NALCN: variants seen among roughly 807,000 people sequenced by gnomAD.
NALCN encodes the protein sodium leak channel NALCN.
A neutral mutation model predicts 225.3 loss-of-function variants in NALCN; 111 were observed. That is an observed-to-expected ratio of 0.49 (90% CI 0.42 to 0.58). The LOEUF is 0.58. Among genes scored for constraint, NALCN ranks in the 20% least tolerant of loss-of-function variants. The pLI, the probability that NALCN is intolerant of heterozygous loss-of-function variation, is 0.00. For synonymous variants in NALCN, 764 were observed against 769.0 expected (o/e 0.99, Z 0.11); for missense variants, 1,378 against 2,202.4 (o/e 0.63, Z 7.49).
At chr13:101,247,174 T>C (rs1255562499) in intron 11 of NALCN, among the ~76,000 whole-genome samples, 4 of 152,142 alleles carry the variant, frequency 2.6e-5, no homozygotes, top group African/African-American at 9.7e-5. Context: ...GGGACTAGAA[T>C]GGGTTTCTCT....
chr13:101,163,297 T>TA (rs768377868), intron 15 of NALCN, among the ~76,000 whole-genome samples: 3 of 152,168 alleles, frequency 2.0e-5, no homozygotes, highest in Non-Finnish European at 4.4e-5. Context: ...TAAAGAATGA[T>TA]ACAACCGACA....
chr13:101,080,751 TTAAA>T (rs1177375221), intron 34 of NALCN, among the ~76,000 whole-genome samples: 7 of 127,038 alleles, frequency 5.5e-5, no homozygotes, highest in South Asian at 3.0e-4. Context: ...TATTACATAA[TTAAA>T]TAATTAATTA....
Position 101,258,433 on chromosome 13 carries a change from A to C in NALCN, c.1266+10T>G. On this transcript the variant is annotated intron_variant, in intron 11 of 43. Coordinates refer to ENST00000251127, the MANE Select transcript of NALCN (RefSeq NM_052867.4). ...TTGCCCAGCGATCTGCACGGTGGAGAGCTGCTTACCTCCGCCAGGTAGAAC... is the reference window on the plus strand; with the variant it reads ...TTGCCCAGCGATCTGCACGGTGGAGCGCTGCTTACCTCCGCCAGGTAGAAC... The C allele has an allele frequency of 6.2e-7, 1 of 1,613,842 alleles. No individual in the cohort carries two copies. The highest frequency in any genetic ancestry group is 8.5e-7 in the Non-Finnish European group (1 of 1,179,946).
intron 36 of NALCN, among the ~76,000 whole-genome samples, 155 bp from the exon 37 acceptor site, chr13:101,073,832 T>C (rs1480223312): frequency 6.6e-6 from 1 of 152,198 alleles, no homozygotes; most frequent in African/African-American, 2.4e-5. Context: ...TAATTTGTCA[T>C]TTATACTTGC....
intron 6 of NALCN, among the ~76,000 whole-genome samples, chr13:101,367,930 G>T (rs2046422321): frequency 6.6e-6 from 1 of 151,526 alleles, no homozygotes; most frequent in Non-Finnish European, 1.5e-5. Context: ...TCCCTATGAT[G>T]CTCCTTTCAC....
At chr13:101,279,840 T>A (rs866364090) in intron 10 of NALCN, among the ~76,000 whole-genome samples, 7 of 83,296 alleles carry the variant, frequency 8.4e-5, no homozygotes, top group East Asian at 3.2e-4. Context: ...ATAAATAAAA[T>A]AAATAAATAA....
At chr13:101,250,227 G>C (rs2042020578) in intron 11 of NALCN, among the ~76,000 whole-genome samples, 1 of 152,048 alleles carries the variant, frequency 6.6e-6, no homozygotes, top group Non-Finnish European at 1.5e-5. Flanking sequence ...TAACTGAATA[G>C]AGATGTTCTT....
chr13:101,289,245 T>G (rs2043457281), intron 9 of NALCN, among the ~76,000 whole-genome samples: 1 of 152,178 alleles, frequency 6.6e-6, no homozygotes, highest in Admixed American at 6.5e-5. Flanking sequence ...TTTAGTAATT[T>G]GAAATTTTCT....
At chr13:101,364,781 T>C (rs566264356) in intron 6 of NALCN, among the ~76,000 whole-genome samples, 1 of 152,312 alleles carries the variant, frequency 6.6e-6, no homozygotes, top group East Asian at 1.9e-4. Context: ...GTGATGGATA[T>C]GCCAATTGCC....
At chr13:101,125,004 C>T (rs549987252) in intron 17 of NALCN, among the ~76,000 whole-genome samples, 3 of 152,094 alleles carry the variant, frequency 2.0e-5, no homozygotes, top group Non-Finnish European at 2.9e-5. Context: ...CTTTGATTAG[C>T]GCAATGTTCT....
intron 12 of NALCN, among the ~76,000 whole-genome samples, chr13:101,233,040 A>C (rs572963818): frequency 6.6e-6 from 1 of 152,280 alleles, no homozygotes; most frequent in South Asian, 2.1e-4. Flanking sequence ...CTGCATTCCT[A>C]GAAAGGAAAA....
chr13:101,329,961 C>T (rs2045101533), intron 7 of NALCN, among the ~76,000 whole-genome samples: 1 of 151,752 alleles, frequency 6.6e-6, no homozygotes, highest in African/African-American at 2.4e-5. Context: ...ATTGCTTGAA[C>T]CCGGGAGGAG....
intron 11 of NALCN, among the ~76,000 whole-genome samples, chr13:101,257,115 AATTATACCT>A (rs1230139397): frequency 1.3e-5 from 2 of 151,858 alleles, no homozygotes; most frequent in African/African-American, 4.8e-5. Context: ...TTTTCAGCAA[AATTATACCT>A]ATTTTTCAGA....
intron 7 of NALCN, among the ~76,000 whole-genome samples, chr13:101,320,233 G>GA (rs2044698890): frequency 6.6e-6 from 1 of 152,170 alleles, no homozygotes; most frequent in Non-Finnish European, 1.5e-5. Flanking sequence ...AAGGATCTTA[G>GA]AAAACCATGA....
intron 1 of NALCN, among the ~76,000 whole-genome samples, chr13:101,402,066 G>A (rs935678109): frequency 6.6e-6 from 1 of 152,102 alleles, no homozygotes; most frequent in Non-Finnish European, 1.5e-5. Context: ...AACCAGTAGG[G>A]ATATTTAAGT....
At chr13:101,378,689 G>T in intron 3 of NALCN, 36 bp from the exon 4 acceptor site, 1 of 1,529,870 alleles carries the variant, frequency 6.5e-7, no homozygotes, top group South Asian at 1.2e-5. Context: ...ATTAGGCAAA[G>T]CAAATATTTT....
intron 26 of NALCN, 151 bp downstream of exon 26, chr13:101,103,021 G>A: frequency 1.2e-6 from 1 of 843,614 alleles, no homozygotes; most frequent in Non-Finnish European, 1.8e-6. Context: ...AGTGTTTGAA[G>A]GTGCATTGTG....
chr13:101,128,478 T>C (rs116719218), intron 17 of NALCN, among the ~76,000 whole-genome samples: 2,885 of 152,300 alleles, frequency 0.019, 104 homozygotes, highest in African/African-American at 0.067. Context: ...TGTCTTCTAA[T>C]TAATCTACAT....
At chr13:101,100,684 A>C (rs1594203224) in intron 27 of NALCN, 100 bp downstream of exon 27, 2 of 962,104 alleles carry the variant, frequency 2.1e-6, no homozygotes, top group East Asian at 2.7e-5. Context: ...GTTTCAAGTA[A>C]TCTTCCCTCC....
Sources: allele counts gnomAD v4.1 joint callset (sites outside exome capture counted in the v4.1 genomes callset), GRCh38; gene constraint gnomAD v4.1.1; transcripts MANE v1.5; gene names NCBI Gene and HGNC (gene_info 2026-07-23, HGNC 2026-07-21).